Variants in DNM3 observed in about 807,000 individuals in gnomAD.
DNM3 encodes dynamin 3.
DNM3 carries 47 observed loss-of-function variants against 101.6 expected under a neutral mutation model. That is an observed-to-expected ratio of 0.46 (90% CI 0.37 to 0.59). DNM3 has a LOEUF of 0.59. Among genes scored for constraint, DNM3 ranks in the 20% least tolerant of loss-of-function variants. The pLI is 0.00. For synonymous variants in DNM3, 385 were observed against 387.9 expected (o/e 0.99, Z 0.09); for missense variants, 849 against 1,085.7 (o/e 0.78, Z 3.06).
intron 1 of DNM3, among the ~76,000 whole-genome samples, chr1:171,868,893 C>T (rs2035015411): frequency 6.6e-6 from 1 of 152,104 alleles, no homozygotes; most frequent in Admixed American, 6.5e-5. Context: ...AAGCGATTCT[C>T]CTGCCTCAGC....
At chr1:172,359,125 A>AACACACACAC (rs10683483) in intron 17 of DNM3, among the ~76,000 whole-genome samples, 13,392 of 145,518 alleles carry the variant, frequency 0.092, 820 homozygotes, top group Admixed American at 0.13. Context: ...ACTCCCACAA[A>AACACACACAC]ACACACACAC....
At chr1:171,929,548 G>A (rs566115242) in intron 2 of DNM3, among the ~76,000 whole-genome samples, 7 of 152,088 alleles carry the variant, frequency 4.6e-5, no homozygotes, top group African/African-American at 1.4e-4. Flanking sequence ...CTGGGGACCT[G>A]CTTAAAAAAG....
At chr1:172,120,897 C>T (rs146747969) in intron 13 of DNM3, among the ~76,000 whole-genome samples, 30 of 152,176 alleles carry the variant, frequency 2.0e-4, no homozygotes, top group African/African-American at 7.0e-4. Flanking sequence ...CTTGTATTTC[C>T]AGTGTGCCCT....
intron 2 of DNM3, among the ~76,000 whole-genome samples, chr1:171,969,837 C>T (rs568206788): frequency 8.5e-5 from 13 of 152,252 alleles, no homozygotes; most frequent in African/African-American, 3.1e-4. Context: ...GTAGGTGACA[C>T]TATCCCCATT....
chr1:172,106,369 C>G (rs1379844872), intron 13 of DNM3, among the ~76,000 whole-genome samples: 1 of 151,880 alleles, frequency 6.6e-6, no homozygotes, highest in Non-Finnish European at 1.5e-5. Flanking sequence ...TGCTGTGAGC[C>G]GACATCGTGC....
At chr1:172,101,565 G>A (rs1438798226) in intron 13 of DNM3, among the ~76,000 whole-genome samples, 8 of 152,144 alleles carry the variant, frequency 5.3e-5, no homozygotes, top group Non-Finnish European at 1.0e-4. Flanking sequence ...ATGGTGTTGG[G>A]TGTTTTACAC....
chr1:171,841,526 T>A lies in DNM3; in HGVS notation c.-131T>A, dbSNP rs2031176144. The A allele has an allele frequency of 1.5e-6, 2 of 1,303,248 alleles. No individual in the cohort carries two copies. The highest frequency in any genetic ancestry group is 1.0e-6 in the Non-Finnish European group (1 of 986,866). 80.7% of individuals were successfully genotyped at this position (1,303,248 alleles called of 1,614,324 possible). On this transcript the variant is annotated 5_prime_UTR_variant, in exon 1 of 21. Coordinates refer to ENST00000627582, the MANE Select transcript of DNM3 (RefSeq NM_015569.5). ...GCCAAGCGGCGGGCTGGCGGCGGGC[T>A]CCGACGTCTGCGCCAGGACCTGGCT...
At chr1:172,054,117 A>G (rs1039645122) in intron 10 of DNM3, among the ~76,000 whole-genome samples, 1 of 152,242 alleles carries the variant, frequency 6.6e-6, no homozygotes, top group Non-Finnish European at 1.5e-5. Context: ...ATATATAAAC[A>G]TAAAATACAG....
At chr1:172,150,264 C>T (rs2058078047) in intron 14 of DNM3, among the ~76,000 whole-genome samples, 1 of 151,914 alleles carries the variant, frequency 6.6e-6, no homozygotes, top group Admixed American at 6.6e-5. Context: ...CTTTTACATA[C>T]CAAAAAAAGT....
chr1:171,900,080 A>C (rs914199231), intron 1 of DNM3, among the ~76,000 whole-genome samples: 5 of 152,240 alleles, frequency 3.3e-5, no homozygotes, highest in Non-Finnish European at 7.3e-5. Context: ...GTAATTTACG[A>C]GGGCTTAAGA....
At chr1:172,072,957 A>G (rs1324540745) in intron 11 of DNM3, among the ~76,000 whole-genome samples, 1 of 152,208 alleles carries the variant, frequency 6.6e-6, no homozygotes, top group Admixed American at 6.5e-5. Flanking sequence ...TAAGGCCGCA[A>G]ATGTTTATTG....
intron 14 of DNM3, among the ~76,000 whole-genome samples, chr1:172,180,681 A>G (rs902057893): frequency 2.0e-5 from 3 of 152,102 alleles, no homozygotes; most frequent in Non-Finnish European, 2.9e-5. Context: ...GGAATGCTCT[A>G]CATGTTTCCA....
intron 14 of DNM3, among the ~76,000 whole-genome samples, chr1:172,209,972 C>T (rs2060456816): frequency 6.6e-6 from 1 of 152,056 alleles, no homozygotes; most frequent in Non-Finnish European, 1.5e-5. Flanking sequence ...GTAATAATTA[C>T]ATAATAATAA....
At chr1:172,030,052 AC>A (rs1243499620) in intron 4 of DNM3, among the ~76,000 whole-genome samples, 1 of 152,190 alleles carries the variant, frequency 6.6e-6, no homozygotes, top group African/African-American at 2.4e-5. Context: ...ATTAGAAAAA[AC>A]TACTTTAAAT....
At chr1:172,348,963 T>C (rs1157009257) in intron 17 of DNM3, among the ~76,000 whole-genome samples, 2 of 152,182 alleles carry the variant, frequency 1.3e-5, no homozygotes, top group Non-Finnish European at 2.9e-5. Context: ...CCCAGTAGCA[T>C]TGTCAGTAAA....
chr1:172,346,117 C>A (rs1351067461), intron 17 of DNM3, among the ~76,000 whole-genome samples: 4 of 106,390 alleles, frequency 3.8e-5, no homozygotes, highest in Non-Finnish European at 5.3e-5. Flanking sequence ...AGCGAGACTC[C>A]GTCTCAAAAA....
intron 1 of DNM3, among the ~76,000 whole-genome samples, chr1:171,863,812 A>G (rs1022345950): frequency 6.6e-6 from 1 of 152,182 alleles, no homozygotes; most frequent in Non-Finnish European, 1.5e-5. Flanking sequence ...CTCTACTTAC[A>G]AGAACTAGTT....
chr1:172,174,671 G>A (rs926566772), intron 14 of DNM3, among the ~76,000 whole-genome samples: 4 of 151,628 alleles, frequency 2.6e-5, no homozygotes, highest in Non-Finnish European at 4.4e-5. Flanking sequence ...TGCAACATAT[G>A]TGTTAGTAAT....
chr1:172,046,017 AC>A (rs1177772369), intron 9 of DNM3, among the ~76,000 whole-genome samples: 1 of 152,206 alleles, frequency 6.6e-6, no homozygotes, highest in Non-Finnish European at 1.5e-5. Flanking sequence ...GGGATCTAGA[AC>A]TAGAAATACC....
Sources: gnomAD v4.1 joint callset for allele counts (sites outside exome capture counted in the v4.1 genomes callset) on GRCh38, gnomAD v4.1.1 for gene constraint, MANE v1.5 for transcripts, NCBI Gene and HGNC (gene_info 2026-07-23, HGNC 2026-07-21) for gene names.